ZNF799: variants seen among roughly 807,000 people sequenced by gnomAD.
ZNF799 encodes zinc finger protein 14.
In ZNF799, 28 loss-of-function variants were observed where a neutral mutation model predicts 41.0. That is an observed-to-expected ratio of 0.68 (90% confidence interval 0.51 to 0.94). The LOEUF (loss-of-function observed/expected upper bound fraction) is 0.94. ZNF799 is among the 40% of genes least tolerant of loss of function. The pLI is 0.00. For missense variants in ZNF799, 716 were observed against 764.3 expected, an observed-to-expected ratio of 0.94 and a Z score of 0.74; for synonymous variants, 213 against 252.9, an observed-to-expected ratio of 0.84 and a Z score of 1.50.
rs1969842468 is a variant in ZNF799 at position 12,392,640 on chromosome 19, T to C, written c.154A>G (p.Ile52Val). The C allele has an allele frequency of 6.2e-7, 1 of 1,600,730 alleles. No homozygotes were observed. The highest frequency in any genetic ancestry group is 2.2e-5 in the East Asian group (1 of 44,686). ...CTGGGATATCTATATTGATCTTCAA[T>C]GTTCTGGTCTTTCCATTTCATTCCT... ...CVGMKWKDQN[I>V]EDQYRYPRKN... is the part of the protein sequence containing the mutation. Residue 52 changes from isoleucine to valine, a missense_variant, in exon 3 of 4, where the codon ATT becomes GTT. Physicochemically the swap from Ile to Val is conservative, Grantham distance 29. Coordinates refer to ENST00000430385, the MANE Select transcript of ZNF799 (RefSeq NM_001080821.3).
At chr19:12,413,158 G>T in the ZNF799 span, among the ~76,000 whole-genome samples, 7 of 151,426 alleles carry the variant, frequency 4.6e-5, no homozygotes, top group African/African-American at 1.7e-4. Context: ...CATCAAAAAG[G>T]ATCCTGATTC....
At chr19:12,410,558 T>C in the ZNF799 span, among the ~76,000 whole-genome samples, 3 of 152,012 alleles carry the variant, frequency 2.0e-5, no homozygotes, top group African/African-American at 7.2e-5. Flanking sequence ...AGTTCCATTT[T>C]GAGAAACTAA....
rs939345419 is a variant in ZNF799, at chr19:12,400,880, C to T, written c.3+188G>A. On this transcript the variant is annotated intron_variant, in intron 1 of 3. Coordinates refer to ENST00000430385, the MANE Select transcript of ZNF799 (RefSeq NM_001080821.3). ...CCGCAGTCGCCGCGCAGGAACGGGA[C>T]AGGACGCCCGGGGTCCCGGCTGCAT... 3.9e-6 allele frequency: 4 copies of T among 1,032,336 alleles called. No homozygotes were observed. In the African/African-American group the frequency reaches 6.4e-5, roughly 16 times the overall value. 63.9% of individuals were successfully genotyped at this position (1,032,336 alleles called of 1,614,324 possible). A position where few individuals can be genotyped will look rare whatever the true frequency, so the allele number is the denominator to read the frequency against.
chr19:12,396,953 T>C (rs371034788), intron 1 of ZNF799, among the ~76,000 whole-genome samples: 3,427 of 129,534 alleles, frequency 0.026, 46 homozygotes, highest in South Asian at 0.048. Flanking sequence ...CACAAATATA[T>C]ACATATGCAT....
chr19:12,394,977 C>T (rs1969873719), intron 1 of ZNF799: 1 of 675,216 alleles, frequency 1.5e-6, no homozygotes, highest in African/African-American at 2.0e-5. Flanking sequence ...TTGGCCCAAT[C>T]CCTCCCCCTA....
At chr19:12,394,728 T>C (rs1435310023) in intron 1 of ZNF799, 4 of 985,122 alleles carry the variant, frequency 4.1e-6, no homozygotes, top group Non-Finnish European at 4.8e-6. Context: ...TGAATATTTA[T>C]AATACTTACT....
upstream of ZNF799, among the ~76,000 whole-genome samples, chr19:12,402,222 C>G (rs1969999853): frequency 6.6e-6 from 1 of 152,232 alleles, no homozygotes; most frequent in African/African-American, 2.4e-5. Flanking sequence ...TCAGATTGTT[C>G]ACTGTTGGCA....
In ZNF799 at chr19:12,390,898, T is replaced by C; in HGVS notation, c.1500A>G (p.Gly500=). The stretch of plus-strand genomic sequence containing the variant: ...ATGTGTTACACTCATAAGGTTTCTC[T>C]CCTGTGTGAGTCCTTCTATGTTGAG... The part of the protein sequence containing the change: ...YLSQHRRTHT[G]EKPYECNTCK... The change falls in exon 4 of 4, where the codon GGA becomes GGG. Residue 500 remains glycine, a synonymous_variant. Coordinates refer to ENST00000430385, the MANE Select transcript of ZNF799 (RefSeq NM_001080821.3). 1.2e-6 allele frequency: 2 copies of C among 1,614,074 alleles called. No homozygotes were observed. Among genetic ancestry groups the C allele is most frequent in the Non-Finnish European group, 1.7e-6 (2 of 1,179,986 alleles).
At chr19:12,411,975 A>G in the ZNF799 span, among the ~76,000 whole-genome samples, 5 of 152,090 alleles carry the variant, frequency 3.3e-5, no homozygotes, top group African/African-American at 9.7e-5. Context: ...GTAATCTCAG[A>G]TACACTTTCT....
In ZNF799 at chr19:12,391,482, C is replaced by T. The variant is rs1969816798; in HGVS notation, c.916G>A (p.Glu306Lys). Residue 306 changes from glutamate to lysine, a missense_variant, in exon 4 of 4, where the codon GAG becomes AAG. Transcript: ENST00000430385. ...CATTGCTGACATGCATAGGGTTTCTCATCAGTGTGAGTTGTTTCGTGTCTT... is the reference window on the plus strand; with the variant it reads ...CATTGCTGACATGCATAGGGTTTCTTATCAGTGTGAGTTGTTTCGTGTCTT... ...LRRHETTHTD[E>K]KPYACQQCGK... is the part of the protein sequence containing the mutation. The T allele has an allele frequency of 4.3e-6, 7 of 1,614,116 alleles. No homozygotes were observed. Among genetic ancestry groups the T allele is most frequent in the Non-Finnish European group, 5.9e-6 (7 of 1,179,978 alleles).
upstream of ZNF799, among the ~76,000 whole-genome samples, chr19:12,402,127 G>A (rs1382890148): frequency 6.6e-6 from 1 of 152,250 alleles, no homozygotes; most frequent in Non-Finnish European, 1.5e-5. Flanking sequence ...TGCCTAGGCT[G>A]GAGTGCAGTG....
the ZNF799 span, among the ~76,000 whole-genome samples, chr19:12,406,661 G>A: frequency 6.6e-6 from 1 of 151,918 alleles, no homozygotes; most frequent in South Asian, 2.1e-4. Flanking sequence ...AGTACTTTGG[G>A]AGGCCAAAGT....
chr19:12,404,845 T>TTAATA (rs1970018669), upstream of ZNF799, among the ~76,000 whole-genome samples: 1 of 152,160 alleles, frequency 6.6e-6, no homozygotes. Context: ...TCTCTGATGG[T>TTAATA]TAATACTGAG....
chr19:12,394,983 C>G (rs1426040664), intron 1 of ZNF799: 16 of 590,444 alleles, frequency 2.7e-5, no homozygotes, highest in Non-Finnish European at 3.2e-5. Context: ...CAATCCCTCC[C>G]CCTATCAATA....
At chr19:12,395,018 G>A in intron 1 of ZNF799, 1 of 283,174 alleles carries the variant, frequency 3.5e-6, no homozygotes, top group South Asian at 1.4e-4. Flanking sequence ...AGCAGCCTGA[G>A]TTCCCGGTAT....
the ZNF799 span, among the ~76,000 whole-genome samples, chr19:12,406,448 G>A: frequency 6.9e-6 from 1 of 145,294 alleles, no homozygotes; most frequent in East Asian, 2.1e-4. Context: ...CGCGCCACTG[G>A]ACTCCAGCCT....
chr19:12,393,276 G>A lies in ZNF799; in HGVS notation c.130+21C>T, dbSNP rs565833820. The A allele has an allele frequency of 8.3e-5, 79 of 949,166 alleles. 6 individuals carry two copies. In the South Asian group the frequency reaches 9.4e-4, roughly 11 times the overall value. The allele number at this position is 949,166 out of a possible 1,614,324, so 58.8% of individuals were successfully genotyped here. On this transcript the variant is annotated intron_variant, in intron 2 of 3. Transcript: ENST00000430385. Reference sequence around the variant, plus strand: ...ACAAATGTCTCCAATTAAATAAGTGGAAATGCGATGTCATCCTTACCTACA... The same window carrying A: ...ACAAATGTCTCCAATTAAATAAGTGAAAATGCGATGTCATCCTTACCTACA...
chr19:12,395,808 G>A (rs1395798347), intron 1 of ZNF799, among the ~76,000 whole-genome samples: 1 of 152,208 alleles, frequency 6.6e-6, no homozygotes, highest in Non-Finnish European at 1.5e-5. Context: ...AAACAGCCTG[G>A]CTAAGTGTTC....
At chr19:12,406,832 G>A in the ZNF799 span, among the ~76,000 whole-genome samples, 50 of 152,256 alleles carry the variant, frequency 3.3e-4, no homozygotes, top group African/African-American at 1.1e-3. Flanking sequence ...CCCCGGAGGC[G>A]GAGCTTGCAG....
Sources: gnomAD v4.1 joint callset for allele counts (sites outside exome capture counted in the v4.1 genomes callset) on GRCh38, gnomAD v4.1.1 for gene constraint, MANE v1.5 for transcripts, NCBI Gene and HGNC (gene_info 2026-07-23, HGNC 2026-07-21) for gene names.